The following ERCC6L2 variants were observed in gnomAD, a reference collection of about 807,000 sequenced individuals.
ERCC6L2 encodes DNA excision repair protein ERCC-6-like 2.
Under a neutral mutation model 132.0 loss-of-function variants are expected in ERCC6L2, and 77 were observed. The observed-to-expected ratio is 0.58, with a 90% CI of 0.49 to 0.71. The LOEUF (loss-of-function observed/expected upper bound fraction) is 0.71. ERCC6L2 is among the 30% of genes least tolerant of loss of function. ERCC6L2 has a pLI of 0.00. For synonymous variants in ERCC6L2, 583 were observed against 632.4 expected (o/e 0.92, Z 1.17); for missense variants, 1,542 against 1,837.6 (o/e 0.84, Z 2.94).
At chr9:96,030,545 C>CA (rs1434414011) in intron 19 of ERCC6L2, among the ~76,000 whole-genome samples, 3 of 151,674 alleles carry the variant, frequency 2.0e-5, no homozygotes, top group Admixed American at 6.6e-5. Flanking sequence ...AAAAAAAATA[C>CA]AAAAAAATTA....
chr9:95,892,197 A>G (rs1489383558), intron 2 of ERCC6L2, among the ~76,000 whole-genome samples: 1 of 152,040 alleles, frequency 6.6e-6, no homozygotes, highest in African/African-American at 2.4e-5. Flanking sequence ...TTATGTTGGT[A>G]CATAAGGATT....
rs777764478 is a variant in ERCC6L2 at position 96,012,354 on chromosome 9, A to C, written c.3804A>C (p.Pro1268=). 3 of 1,362,526 alleles carry C rather than the reference A, an allele frequency of 2.2e-6. No homozygotes were observed. The highest frequency in any genetic ancestry group is 3.0e-5 in the African/African-American group (2 of 67,710). 84.4% of individuals were successfully genotyped at this position (1,362,526 alleles called of 1,614,324 possible). A position where few individuals can be genotyped will look rare whatever the true frequency, so the allele number is the denominator to read the frequency against. ...MLRDFYASQY[P]EVKEFFVDSV... ...GAGACTTTTATGCTTCTCAATATCC[A>C]GAGGTAAAAGAATTTTTTGTGGATT... Residue 1268 remains proline (P), a synonymous_variant, in exon 19 of 19, where the codon CCA becomes CCC. Coordinates refer to ENST00000653738, the MANE Select transcript of ERCC6L2 (RefSeq NM_020207.7).
intron 6 of ERCC6L2, among the ~76,000 whole-genome samples, chr9:95,920,407 C>T (rs773593429): frequency 1.1e-4 from 16 of 151,776 alleles, no homozygotes; most frequent in East Asian, 5.8e-4. Flanking sequence ...CTAGTTTTAT[C>T]GTAAGAATAT....
chr9:96,032,403 G>A (rs992027110), intron 19 of ERCC6L2, among the ~76,000 whole-genome samples: 3 of 152,216 alleles, frequency 2.0e-5, no homozygotes, highest in African/African-American at 7.2e-5. Context: ...CACCGTCTGT[G>A]TCAGTGACAG....
At chr9:95,966,902 C>A in intron 14 of ERCC6L2, 188 bp downstream of exon 14, 1 of 417,382 alleles carries the variant, frequency 2.4e-6, no homozygotes, top group Non-Finnish European at 4.1e-6. Flanking sequence ...AAGATTTTCC[C>A]ATGCATAATT....
rs1217415207 is a variant in ERCC6L2, at chr9:96,036,773, AT to A, written c.*1504-2092del. 4.0e-4 allele frequency among the ~76,000 whole-genome samples: 49 copies of A among 122,074 alleles called. 1 individual carries two copies. The South Asian group carries it at 8.0e-3, about 20-fold the overall frequency. The allele number at this position is 122,074 out of a possible 152,430, so 80.1% of individuals were successfully genotyped here. A position where few individuals can be genotyped will look rare whatever the true frequency, so the allele number is the denominator to read the frequency against. On this transcript the variant is annotated intron_variant and NMD_transcript_variant, in intron 19 of 20. Coordinates refer to the ERCC6L2 transcript ENST00000670016. ...ATTATTATTATTATTATTTTTATTT[AT>A]TTTTTTTTTTGAGACGGAGTCTCAC...
chr9:96,023,343 G>A (rs1408747573), downstream of ERCC6L2, among the ~76,000 whole-genome samples: 4 of 152,184 alleles, frequency 2.6e-5, no homozygotes, highest in Non-Finnish European at 5.9e-5. Flanking sequence ...GATCCTACCA[G>A]TGGTTTTATT....
At position 95,972,310 on chromosome 9, in the gene ERCC6L2, C is replaced by A; in HGVS notation, c.2559C>A (p.Asn853Lys). The A allele has an allele frequency of 7.7e-7, 1 of 1,293,998 alleles. No homozygotes were observed. The highest frequency in any genetic ancestry group is 1.0e-6 in the Non-Finnish European group (1 of 985,890). The allele number at this position is 1,293,998 out of a possible 1,614,324, so 80.2% of individuals were successfully genotyped here. Residue 853 changes from asparagine to lysine, a missense_variant, in exon 16 of 19, where the codon AAC becomes AAA. This residue lies in a region of ERCC6L2 where 945 missense variants were observed against 1,105.2 expected (regional missense o/e 0.86). Coordinates refer to ENST00000653738, the MANE Select transcript of ERCC6L2 (RefSeq NM_020207.7). Reference sequence around the variant, plus strand: ...CTTCAAAACATCAGAAATTAGATAACATCCTAAATCCAAAAGAAAAGCATA... The same window carrying A: ...CTTCAAAACATCAGAAATTAGATAAAATCCTAAATCCAAAAGAAAAGCATA... ...LGTSKHQKLD[N>K]ILNPKEKHIF...
At chr9:95,968,476 C>T (rs1392798130) in intron 14 of ERCC6L2, 1 of 152,134 alleles carries the variant, frequency 6.6e-6, no homozygotes. Context: ...ATTCATGCTG[C>T]TTTGGGCCAA....
At position 96,012,430 on chromosome 9, in the gene ERCC6L2, C is replaced by T. The variant is rs777060130; in HGVS notation, c.3880C>T (p.Arg1294Trp). 14 of 1,364,150 alleles carry T rather than the reference C, an allele frequency of 1.0e-5. No individual in the cohort carries two copies. Among genetic ancestry groups the T allele is most frequent in the East Asian group, 4.6e-5 (1 of 21,940 alleles). 84.5% of individuals were successfully genotyped at this position (1,364,150 alleles called of 1,614,324 possible). The change falls in exon 19 of 19, where the codon CGG (arginine) becomes TGG (tryptophan). Residue 1294 changes from arginine to tryptophan, a missense_variant. By Grantham distance (101) the Arg-to-Trp change is moderately radical. Around this residue, in one of 4 missense-constraint regions of ERCC6L2, gnomAD observed 442 missense variants for 583.4 expected, o/e 0.76. Transcript: ENST00000653738. ...CTTTGAGAAAGGAGAGCAGCGCACC[C>T]GGAAGAAATCTGATAAAAGAGAATC... ...SSFEKGEQRT[R>W]KKSDKRESLI... is the part of the protein sequence containing the mutation.
At chr9:96,008,596 A>G in intron 18 of ERCC6L2, among the ~76,000 whole-genome samples, 1 of 152,216 alleles carries the variant, frequency 6.6e-6, no homozygotes, top group East Asian at 1.9e-4. Flanking sequence ...ACCAGGGAGC[A>G]GTGAGGCATG....
intron 18 of ERCC6L2, among the ~76,000 whole-genome samples, chr9:96,008,261 T>C (rs1018829172): frequency 6.6e-6 from 1 of 152,206 alleles, no homozygotes; most frequent in Non-Finnish European, 1.5e-5. Context: ...CTTTAATATC[T>C]TCCCTAGATA....
intron 19 of ERCC6L2, among the ~76,000 whole-genome samples, chr9:96,035,083 C>G (rs1368489325): frequency 6.6e-6 from 1 of 152,186 alleles, no homozygotes; most frequent in Admixed American, 6.5e-5. Flanking sequence ...TCCCTGCAGG[C>G]TCGGGGGTGT....
rs767004511 is a variant in ERCC6L2 at position 95,916,275 on chromosome 9, T to G, written c.999T>G (p.Phe333Leu). The change falls in exon 6 of 19, where the codon TTT becomes TTG. Residue 333 changes from phenylalanine to leucine, a missense_variant. By Grantham distance (22) the Phe-to-Leu change is conservative (BLOSUM62 0). This residue lies in a region of ERCC6L2 where 945 missense variants were observed against 1,105.2 expected (regional missense o/e 0.86). Coordinates refer to ENST00000653738, the MANE Select transcript of ERCC6L2 (RefSeq NM_020207.7). Reference protein sequence around the residue: ...LGSGTYFKKQFSDPVEHGQRH... With the variant: ...LGSGTYFKKQLSDPVEHGQRH... ...GTGGGACCTACTTCAAGAAGCAGTT[T>G]TCTGACCCAGTAGAACATGGTCAGA... 1 of 1,614,142 alleles carries G rather than the reference T, an allele frequency of 6.2e-7. No individual in the cohort carries two copies.
intron 1 of ERCC6L2, among the ~76,000 whole-genome samples, chr9:95,878,020 A>C (rs1178627061): frequency 1.3e-5 from 2 of 152,304 alleles, no homozygotes; most frequent in South Asian, 4.1e-4. Context: ...AAATGATGAG[A>C]TAGAGAATAA....
At chr9:95,907,307 AAT>A in intron 4 of ERCC6L2, 36 bp downstream of exon 4, 4 of 1,400,492 alleles carry the variant, frequency 2.9e-6, no homozygotes, top group Non-Finnish European at 3.9e-6. Flanking sequence ...TGATTGTATT[AAT>A]AGTCTACTTA....
intron 3 of ERCC6L2, among the ~76,000 whole-genome samples, chr9:95,899,600 ATGTGTGTGTGTGTGTGTG>A (rs56991965): frequency 7.4e-6 from 1 of 134,820 alleles, no homozygotes; most frequent in Non-Finnish European, 1.6e-5. Flanking sequence ...TTATATATAT[ATGTGTGTGTGTGTGTGTG>A]TGTGTGTGTG....
intron 9 of ERCC6L2, among the ~76,000 whole-genome samples, chr9:95,926,908 A>G (rs1830126058): frequency 6.6e-6 from 1 of 152,030 alleles, no homozygotes; most frequent in South Asian, 2.1e-4. Context: ...GAAAGTGTGG[A>G]GGAGGTTGGA....
chr9:95,929,028 CT>C, intron 11 of ERCC6L2, 164 bp downstream of exon 11: 1 of 479,910 alleles, frequency 2.1e-6, no homozygotes, highest in Non-Finnish European at 3.6e-6. Flanking sequence ...TTTAGCTAAG[CT>C]TTTCTCTCAT....
Sources: allele counts gnomAD v4.1 joint callset (sites outside exome capture counted in the v4.1 genomes callset), GRCh38; gene constraint gnomAD v4.1.1; regional missense constraint gnomAD v4.1.1; transcripts MANE v1.5; gene names NCBI Gene and HGNC (gene_info 2026-07-23, HGNC 2026-07-21).